Variants in KIF26B observed in about 807,000 individuals in gnomAD.
KIF26B encodes kinesin family member 26B.
A neutral mutation model predicts 151.2 loss-of-function variants in KIF26B; 63 were observed. The observed-to-expected ratio is 0.42, with a 90% confidence interval of 0.34 to 0.51. KIF26B has a LOEUF of 0.51. Among genes scored for constraint, KIF26B ranks in the 20% least tolerant of loss-of-function variants. KIF26B has a pLI of 0.07. For synonymous variants in KIF26B, 1,357 were observed against 1,262.1 expected (o/e 1.08, Z -1.59); for missense variants, 2,813 against 2,913.6 (o/e 0.97, Z 0.79).
intron 3 of KIF26B, among the ~76,000 whole-genome samples, chr1:245,372,219 G>T (rs1238461009): frequency 1.3e-5 from 2 of 152,166 alleles, no homozygotes; most frequent in African/African-American, 4.8e-5. Flanking sequence ...GAGGGATCTA[G>T]GTTGCATGCT....
At chr1:245,278,311 T>G (rs1670974179) in intron 2 of KIF26B, among the ~76,000 whole-genome samples, 1 of 152,182 alleles carries the variant, frequency 6.6e-6, no homozygotes, top group Non-Finnish European at 1.5e-5. Flanking sequence ...CTGGTACTGT[T>G]GACTATTCAT....
intron 4 of KIF26B, among the ~76,000 whole-genome samples, chr1:245,523,453 C>G (rs929607530): frequency 6.6e-6 from 1 of 152,114 alleles, no homozygotes; most frequent in Non-Finnish European, 1.5e-5. Context: ...GTCTTAGTTC[C>G]TTTGGGTCGT....
chr1:245,499,878 T>C (rs543329079), intron 4 of KIF26B, among the ~76,000 whole-genome samples: 1 of 152,184 alleles, frequency 6.6e-6, no homozygotes, highest in Admixed American at 6.5e-5. Flanking sequence ...AGGTACACAG[T>C]GGGGAATGTA....
chr1:245,437,679 A>G (rs1315437368), intron 4 of KIF26B, among the ~76,000 whole-genome samples: 1 of 152,194 alleles, frequency 6.6e-6, no homozygotes, highest in Non-Finnish European at 1.5e-5. Context: ...TGCAAGGGGG[A>G]AAAGTCCTAA....
intron 4 of KIF26B, among the ~76,000 whole-genome samples, chr1:245,450,891 T>G (rs767521275): frequency 2.6e-5 from 4 of 152,082 alleles, no homozygotes; most frequent in Non-Finnish European, 5.9e-5. Context: ...TAAGATATTT[T>G]AAGATGAATT....
At chr1:245,537,219 G>T (rs921329680) in intron 4 of KIF26B, among the ~76,000 whole-genome samples, 6 of 152,204 alleles carry the variant, frequency 3.9e-5, no homozygotes, top group African/African-American at 1.4e-4. Context: ...AGCATTCCAG[G>T]CTGACTCAAG....
At chr1:245,334,704 T>C (rs1163401902) in intron 2 of KIF26B, among the ~76,000 whole-genome samples, 1 of 151,976 alleles carries the variant, frequency 6.6e-6, no homozygotes, top group African/African-American at 2.4e-5. Context: ...GAATGAGGAG[T>C]GAGCCTGCAG....
intron 4 of KIF26B, among the ~76,000 whole-genome samples, chr1:245,460,057 A>G (rs1225657200): frequency 2.0e-5 from 3 of 152,108 alleles, no homozygotes; most frequent in Non-Finnish European, 2.9e-5. Flanking sequence ...TCGTCTCACT[A>G]CAACCTCTGT....
At chr1:245,477,331 G>C (rs1345036688) in intron 4 of KIF26B, among the ~76,000 whole-genome samples, 1 of 151,514 alleles carries the variant, frequency 6.6e-6, no homozygotes, top group African/African-American at 2.4e-5. Context: ...TGTGTGCCGG[G>C]CACTGTCCCA....
At chr1:245,462,918 CAG>C (rs1178961732) in intron 4 of KIF26B, among the ~76,000 whole-genome samples, 1 of 152,152 alleles carries the variant, frequency 6.6e-6, no homozygotes, top group African/African-American at 2.4e-5. Context: ...CTGGGAGATG[CAG>C]AGACAACTTC....
intron 3 of KIF26B, among the ~76,000 whole-genome samples, chr1:245,414,695 T>G (rs903206431): frequency 5.3e-5 from 8 of 152,218 alleles, no homozygotes; most frequent in African/African-American, 7.2e-5. Flanking sequence ...TTTTGGAAGC[T>G]TCCGCATTTC....
intron 2 of KIF26B, chr1:245,353,871 C>T (rs1672624035): frequency 6.6e-6 from 1 of 152,592 alleles, no homozygotes; most frequent in Admixed American, 6.5e-5. Context: ...CCCAAATAAG[C>T]AAACACGATG....
intron 2 of KIF26B, among the ~76,000 whole-genome samples, chr1:245,293,856 G>A (rs1216128627): frequency 6.6e-6 from 1 of 152,188 alleles, no homozygotes; most frequent in Non-Finnish European, 1.5e-5. Context: ...GGGATTACAG[G>A]CGTGAGCTAC....
At chr1:245,205,060 A>G (rs552511223) in intron 2 of KIF26B, among the ~76,000 whole-genome samples, 1 of 152,262 alleles carries the variant, frequency 6.6e-6, no homozygotes, top group South Asian at 2.1e-4. Context: ...TGTTGGGATG[A>G]CTGGAGAGAG....
chr1:245,686,990 G>T lies in KIF26B; in HGVS notation c.4007G>T (p.Ser1336Ile). The change falls in exon 12 of 15, where the codon AGC becomes ATC. Residue 1336 changes from serine to isoleucine, a missense_variant. By Grantham distance (142) the Ser-to-Ile change is moderately radical. This residue lies in a region of KIF26B where 2,060 missense variants were observed against 2,088.6 expected (regional missense o/e 0.99). Transcript: ENST00000407071. The surrounding 1 kb of genome is among the most constrained non-coding windows in gnomAD (Gnocchi z 5.6). ...GTGTGCAGAGAGAAGCCCAAGGCCA[G>T]CCCCGACAACTTGCTCATCCTGTCT... Reference protein sequence around the residue: ...AVVCREKPKASPDNLLILSEM... With the variant: ...AVVCREKPKAIPDNLLILSEM... 1 of 1,613,610 alleles carries T rather than the reference G, an allele frequency of 6.2e-7. No individual in the cohort carries two copies. The highest frequency in any genetic ancestry group is 1.1e-5 in the South Asian group (1 of 91,018).
At chr1:245,434,588 G>A (rs1446822870) in intron 4 of KIF26B, among the ~76,000 whole-genome samples, 1 of 152,196 alleles carries the variant, frequency 6.6e-6, no homozygotes, top group Non-Finnish European at 1.5e-5. Context: ...CAGCACCTGT[G>A]ACTCTGCCCG....
At chr1:245,260,751 C>T (rs142776235) in intron 2 of KIF26B, among the ~76,000 whole-genome samples, 107 of 152,276 alleles carry the variant, frequency 7.0e-4, no homozygotes, top group African/African-American at 2.5e-3. Flanking sequence ...TTGTACTGGG[C>T]CTGGATGGGG....
intron 5 of KIF26B, among the ~76,000 whole-genome samples, chr1:245,549,091 T>C (rs2103107911): frequency 6.6e-6 from 1 of 152,208 alleles, no homozygotes; most frequent in Non-Finnish European, 1.5e-5. Flanking sequence ...TTTAAGGTAT[T>C]AAATGGAGAT....
At chr1:245,368,457 C>T (rs1383556223) in intron 3 of KIF26B, among the ~76,000 whole-genome samples, 1 of 152,150 alleles carries the variant, frequency 6.6e-6, no homozygotes, top group Non-Finnish European at 1.5e-5. Flanking sequence ...GGGTGTATTA[C>T]TCAGAGAAGA....
Sources: allele counts gnomAD v4.1 joint callset (sites outside exome capture counted in the v4.1 genomes callset), GRCh38; gene constraint gnomAD v4.1.1; regional missense constraint gnomAD v4.1.1; non-coding constraint Gnocchi (gnomAD v3.1); transcripts MANE v1.5; gene names NCBI Gene and HGNC (gene_info 2026-07-23, HGNC 2026-07-21).